Variants in CEP170 observed in about 807,000 individuals in gnomAD.
The protein encoded by CEP170 is centrosomal protein 170.
A neutral mutation model predicts 151.9 loss-of-function variants in CEP170; 21 were observed. The observed-to-expected ratio is 0.14, with a 90% CI of 0.10 to 0.20. The LOEUF is 0.20. Among genes scored for constraint, CEP170 ranks in the 10% least tolerant of loss-of-function variants. The probability of loss-of-function intolerance (pLI) is 1.00; values close to 1 mark genes in which losing one functional copy is unlikely to be tolerated. For missense variants in CEP170, 964 were observed against 1,892.9 expected (o/e 0.51, Z 9.11); for synonymous variants, 356 against 648.8 (o/e 0.55, Z 6.86).
intron 1 of CEP170, among the ~76,000 whole-genome samples, chr1:243,242,726 A>C (rs1295796132): frequency 6.6e-6 from 1 of 150,954 alleles, no homozygotes; most frequent in Non-Finnish European, 1.5e-5. Flanking sequence ...TCCAAGACGG[A>C]GTTTTGCCCT....
chr1:243,223,561 T>C (rs1328801145), intron 2 of CEP170, among the ~76,000 whole-genome samples: 1 of 152,190 alleles, frequency 6.6e-6, no homozygotes, highest in South Asian at 2.1e-4. Flanking sequence ...GCCCTCCAAC[T>C]GCTTATGGTG....
At chr1:243,134,417 C>T (rs1241041337) in intron 17 of CEP170, among the ~76,000 whole-genome samples, 1 of 151,990 alleles carries the variant, frequency 6.6e-6, no homozygotes, top group Non-Finnish European at 1.5e-5. Context: ...TGGATAGGTA[C>T]GTAATGGTAG....
At chr1:243,207,164 T>C (rs1250877043) in intron 4 of CEP170, among the ~76,000 whole-genome samples, 1 of 152,078 alleles carries the variant, frequency 6.6e-6, no homozygotes, top group Non-Finnish European at 1.5e-5. Flanking sequence ...AGAACAACTA[T>C]ATGCTGCCTA....
intron 7 of CEP170, among the ~76,000 whole-genome samples, chr1:243,196,833 A>G (rs560111410): frequency 3.3e-5 from 5 of 152,242 alleles, no homozygotes; most frequent in African/African-American, 1.2e-4. Context: ...CGTACTGACG[A>G]TAAATATACA....
chr1:243,224,084 C>G (rs1439122230), intron 2 of CEP170, among the ~76,000 whole-genome samples: 2 of 152,098 alleles, frequency 1.3e-5, no homozygotes, highest in African/African-American at 4.8e-5. Flanking sequence ...TTCACATTTC[C>G]TCTAGATTAA....
At chr1:243,146,678 A>C (rs1374941224) in intron 14 of CEP170, among the ~76,000 whole-genome samples, 3 of 152,096 alleles carry the variant, frequency 2.0e-5, no homozygotes, top group Non-Finnish European at 4.4e-5. Flanking sequence ...AAAAAAAAAA[A>C]AAACCCGAGA....
At chr1:243,231,610 T>C (rs1470887437) in intron 1 of CEP170, among the ~76,000 whole-genome samples, 3 of 152,240 alleles carry the variant, frequency 2.0e-5, no homozygotes, top group East Asian at 1.9e-4. Flanking sequence ...TGAAACTAAA[T>C]TGATATATTC....
At chr1:243,173,981 G>A (rs1370367665) in intron 10 of CEP170, among the ~76,000 whole-genome samples, 1 of 152,198 alleles carries the variant, frequency 6.6e-6, no homozygotes, top group East Asian at 1.9e-4. Context: ...GTATAATTGC[G>A]ACATAGTAGA....
intron 3 of CEP170, among the ~76,000 whole-genome samples, chr1:243,219,360 T>C (rs1433473498): frequency 1.3e-5 from 2 of 152,192 alleles, no homozygotes. Flanking sequence ...TTCAGAGAGA[T>C]TAAGTGATTT....
intron 1 of CEP170, among the ~76,000 whole-genome samples, chr1:243,236,967 A>G (rs2064312436): frequency 6.6e-6 from 1 of 152,214 alleles, no homozygotes; most frequent in Non-Finnish European, 1.5e-5. Flanking sequence ...TTCATCTTCA[A>G]TACCTTTTCT....
chr1:243,128,262 T>G lies in CEP170; in HGVS notation c.4452A>C (p.Glu1484Asp). The G allele has an allele frequency of 6.3e-7, 1 of 1,590,206 alleles. No homozygotes were observed. Among genetic ancestry groups the G allele is most frequent in the East Asian group, 2.3e-5 (1 of 43,528 alleles). ...TAGTAAATTTACCTTGCAGCTGCTT[T>G]TCTACTCTTTTCAGTTCCTGTAAGA... ...SSILQELKRV[E>D]KQLQAINAMI... The change falls in exon 19 of 20, where the codon GAA becomes GAC. Residue 1484 changes from glutamate to aspartate, a missense_variant. Glu to Asp is a conservative substitution (Grantham distance 45). Coordinates refer to ENST00000366542, the MANE Select transcript of CEP170 (RefSeq NM_014812.3).
chr1:243,209,974 T>C (rs2061675979), intron 4 of CEP170, among the ~76,000 whole-genome samples: 1 of 152,236 alleles, frequency 6.6e-6, no homozygotes, highest in Admixed American at 6.5e-5. Context: ...ATTACAGGCA[T>C]GAGCCACCGT....
chr1:243,197,772 AG>A lies in CEP170; in HGVS notation c.631+1287del, dbSNP rs2060756276. 3.3e-5 allele frequency among the ~76,000 whole-genome samples: 5 copies of A among 152,152 alleles called. No homozygotes were observed. The South Asian group carries it at 6.2e-4, about 19-fold the overall frequency. On this transcript the variant is annotated intron_variant, in intron 7 of 19. Transcript: ENST00000366542. ...CTCATGGGGTTCAGTTATGTGAGCC[AG>A]TAAATTTCTTCCCTGTTTAGTCTCA...
intron 7 of CEP170, among the ~76,000 whole-genome samples, chr1:243,192,577 A>G (rs1303579573): frequency 1.3e-5 from 2 of 152,188 alleles, no homozygotes; most frequent in East Asian, 1.9e-4. Context: ...TTTTAAACAG[A>G]TTAATAGAAA....
At chr1:243,150,442 G>T (rs1481966259) in intron 14 of CEP170, among the ~76,000 whole-genome samples, 1 of 152,140 alleles carries the variant, frequency 6.6e-6, no homozygotes, top group Non-Finnish European at 1.5e-5. Context: ...GAGCCACCCC[G>T]CCCAGCTGAC....
intron 1 of CEP170, among the ~76,000 whole-genome samples, chr1:243,241,926 T>C (rs1008340603): frequency 3.3e-5 from 5 of 150,888 alleles, no homozygotes; most frequent in African/African-American, 4.9e-5. Context: ...AAGAAAGAAA[T>C]AGAAAACATA....
At chr1:243,159,802 T>TGTGTGTGTGTGTGTGTGTG (rs58250126) in intron 13 of CEP170, among the ~76,000 whole-genome samples, 62 of 150,962 alleles carry the variant, frequency 4.1e-4, no homozygotes, top group Middle Eastern at 3.4e-3. Flanking sequence ...TGTGTGTGTG[T>TGTGTGTGTGTGTGTGTGTG]TTTTGAGATG....
At chr1:243,231,486 C>A (rs1004621037) in intron 1 of CEP170, among the ~76,000 whole-genome samples, 1 of 151,886 alleles carries the variant, frequency 6.6e-6, no homozygotes, top group Non-Finnish European at 1.5e-5. Context: ...TAAACAAGTT[C>A]ATAAAGCAAT....
intron 11 of CEP170, among the ~76,000 whole-genome samples, chr1:243,172,488 C>T (rs1471194368): frequency 6.6e-5 from 10 of 152,080 alleles, no homozygotes; most frequent in Non-Finnish European, 1.3e-4. Flanking sequence ...TGAAATTAGC[C>T]GGGCATGGCG....
Sources: allele counts gnomAD v4.1 joint callset (sites outside exome capture counted in the v4.1 genomes callset), GRCh38; gene constraint gnomAD v4.1.1; transcripts MANE v1.5; gene names NCBI Gene and HGNC (gene_info 2026-07-23, HGNC 2026-07-21).